The following KPNB1 variants were observed in gnomAD, a reference collection of about 807,000 sequenced individuals.
KPNB1 encodes importin subunit beta-1.
In KPNB1, 7 loss-of-function variants were observed where a neutral mutation model predicts 113.0. The ratio of observed to expected loss-of-function variants is 0.06; its 90% CI spans 0.04 to 0.12. KPNB1 has a LOEUF of 0.12. Among genes scored for constraint, KPNB1 ranks in the 10% least tolerant of loss-of-function variants. The pLI is 1.00. For missense variants in KPNB1, 400 were observed against 1,054.8 expected (o/e 0.38, Z 8.60); for synonymous variants, 363 against 378.6 (o/e 0.96, Z 0.48).
In KPNB1 at chr17:47,680,661, C is replaced by T. The variant is rs747243241; in HGVS notation, c.2622C>T (p.Asn874=). The T allele has an allele frequency of 4.2e-5, 67 of 1,613,730 alleles. No homozygotes were observed. The highest frequency in any genetic ancestry group is 4.7e-5 in the Non-Finnish European group (55 of 1,179,836). ...CAAAAGAACTGAGGAAACTGAAGAA[C>T]CAAGCTTGGTAAGATCTTGCCTCCA... ...WATKELRKLK[N]QA The change falls in exon 21 of 22, where the codon AAC becomes AAT. Residue 874 remains asparagine (N), a synonymous_variant. Transcript: ENST00000290158.
chr17:47,681,265 CTTTT>C (rs535906429), intron 21 of KPNB1, among the ~76,000 whole-genome samples: 3 of 122,694 alleles, frequency 2.4e-5, no homozygotes, highest in East Asian at 2.3e-4. Context: ...TTTTCTTCTT[CTTTT>C]TTTTTTTTTT....
chr17:47,672,975 C>A, intron 12 of KPNB1, 43 bp from the exon 13 acceptor site: 1 of 1,582,096 alleles, frequency 6.3e-7, no homozygotes, highest in Non-Finnish European at 8.6e-7. Context: ...CTTCCCTGTC[C>A]TTTTCATTTG....
chr17:47,652,108 C>A (rs1023038719), intron 2 of KPNB1, among the ~76,000 whole-genome samples: 21 of 152,086 alleles, frequency 1.4e-4, no homozygotes, highest in African/African-American at 5.1e-4. Flanking sequence ...GAGGATGAGG[C>A]TCCTAAGTTT....
At chr17:47,667,334 C>T (rs1380580355) in intron 9 of KPNB1, among the ~76,000 whole-genome samples, 1 of 151,862 alleles carries the variant, frequency 6.6e-6, no homozygotes, top group African/African-American at 2.4e-5. Flanking sequence ...ACCATGTTTA[C>T]CAGGCTGGTC....
At position 47,681,079 on chromosome 17, in the gene KPNB1, GTT is replaced by G. The variant is rs1343156408; in HGVS notation, c.2630+413_2630+414del. Among the ~76,000 whole-genome samples the G allele has an allele frequency of 2.1e-5, 3 of 141,634 alleles. No individual in the cohort carries two copies. In the East Asian group the frequency reaches 6.2e-4, roughly 29 times the overall value. The allele number at this position is 141,634 out of a possible 152,430, so 92.9% of individuals were successfully genotyped here. On this transcript the variant is annotated intron_variant, in intron 21 of 21. Coordinates refer to ENST00000290158, the MANE Select transcript of KPNB1 (RefSeq NM_002265.6). ...TTTGTGTGTGTGTGTGTGTGTGTGT[GTT>G]TTCTTTTTGAGACAGAGTCTCACTG...
intron 12 of KPNB1, chr17:47,671,985 C>T (rs1293583742): frequency 1.3e-5 from 2 of 151,162 alleles, no homozygotes; most frequent in African/African-American, 4.9e-5. Context: ...GCAAAGTAAA[C>T]CTTCAGGAAG....
chr17:47,666,423 T>TG, intron 9 of KPNB1, among the ~76,000 whole-genome samples: 1 of 145,282 alleles, frequency 6.9e-6, no homozygotes, highest in Non-Finnish European at 1.5e-5. Flanking sequence ...TGTGTGTGTA[T>TG]TTTATATATA....
At chr17:47,669,116 G>C (rs1038549807) in intron 10 of KPNB1, among the ~76,000 whole-genome samples, 4 of 151,494 alleles carry the variant, frequency 2.6e-5, no homozygotes, top group Admixed American at 6.6e-5. Context: ...GTAGGGAGGC[G>C]GGGGGATGGA....
intron 12 of KPNB1, among the ~76,000 whole-genome samples, chr17:47,671,187 A>T (rs999702740): frequency 5.1e-4 from 78 of 151,904 alleles, no homozygotes; most frequent in African/African-American, 1.7e-3. Context: ...AACCTGGGAG[A>T]TGGAGGTTGC....
intron 9 of KPNB1, among the ~76,000 whole-genome samples, chr17:47,666,528 T>C (rs900556171): frequency 9.2e-6 from 1 of 109,022 alleles, no homozygotes; most frequent in South Asian, 3.3e-4. Context: ...TTATATGTAT[T>C]ATGTTATATA....
chr17:47,680,837 TG>T (rs2030749474), intron 21 of KPNB1, among the ~76,000 whole-genome samples, 168 bp downstream of exon 21: 1 of 152,250 alleles, frequency 6.6e-6, no homozygotes, highest in African/African-American at 2.4e-5. Flanking sequence ...TTGAGCCAAA[TG>T]TTTGACTCCT....
chr17:47,651,049 C>CTT (rs893649660), intron 2 of KPNB1: 16 of 178,866 alleles, frequency 8.9e-5, no homozygotes, highest in Non-Finnish European at 1.5e-4. Flanking sequence ...TTCTTTCTTT[C>CTT]TTTTTTTTTT....
At position 47,682,742 on chromosome 17, in the gene KPNB1, T is replaced by C; in HGVS notation, c.*338T>C. The C allele has an allele frequency of 3.0e-6, 1 of 328,662 alleles. No individual in the cohort carries two copies. Among genetic ancestry groups the C allele is most frequent in the South Asian group, 3.7e-5 (1 of 27,000 alleles). 20.4% of individuals were successfully genotyped at this position (328,662 alleles called of 1,614,324 possible). ...GGCTAGAAGTAGCTTTTCTGTCTTT[T>C]GGCCAGTGCCGAGTGGAATGCCTGG... On this transcript the variant is annotated 3_prime_UTR_variant, in exon 22 of 22. Transcript: ENST00000290158.
In KPNB1 at chr17:47,659,895, C is replaced by T. The variant is rs540408431; in HGVS notation, c.637-1224C>T. ...CCTGGGCAACAGTGCAAGACTCTGT[C>T]TCCAAAAAAAAAAAATATATATATA... On this transcript the variant is annotated intron_variant, in intron 5 of 21. Transcript: ENST00000290158. Among the ~76,000 whole-genome samples the T allele has an allele frequency of 4.7e-5, 7 of 149,254 alleles. No homozygotes were observed. The South Asian group carries it at 1.3e-3, about 27-fold the overall frequency.
chr17:47,675,394 T>G lies in KPNB1; in HGVS notation c.1912+612T>G, dbSNP rs866665578. The stretch of plus-strand genomic sequence containing the variant: ...TTTGTTTTTTTTTTTTGTTTGTTTT[T>G]TTTTTGAGACTTGTTCTGTTGCCCA... On this transcript the variant is annotated intron_variant, in intron 15 of 21. Coordinates refer to ENST00000290158, the MANE Select transcript of KPNB1 (RefSeq NM_002265.6). Among the ~76,000 whole-genome samples the G allele has an allele frequency of 2.7e-3, 372 of 137,770 alleles. 18 individuals carry two copies. Among genetic ancestry groups the G allele is most frequent in the African/African-American group, 9.6e-3 (340 of 35,574 alleles). 90.4% of individuals were successfully genotyped at this position (137,770 alleles called of 152,430 possible).
intron 5 of KPNB1, among the ~76,000 whole-genome samples, chr17:47,659,014 G>C (rs1312169839): frequency 6.6e-6 from 1 of 152,014 alleles, no homozygotes; most frequent in Non-Finnish European, 1.5e-5. Context: ...GTTATTCAAG[G>C]CCAGCCTGGG....
In KPNB1 at chr17:47,657,000, C is replaced by T. The variant is rs752749625; in HGVS notation, c.423C>T (p.Asn141=). 3 of 1,614,052 alleles carry T rather than the reference C, an allele frequency of 1.9e-6. No individual in the cohort carries two copies. Among genetic ancestry groups the T allele is most frequent in the Non-Finnish European group, 2.5e-6 (3 of 1,180,030 alleles). The change falls in exon 4 of 22, where the codon AAC becomes AAT. Residue 141 remains asparagine (N), a synonymous_variant. Coordinates refer to ENST00000290158, the MANE Select transcript of KPNB1 (RefSeq NM_002265.6). ...TGGTGGCCAATGTCACAAACCCCAA[C>T]AGCACAGAGCACATGAAGGAGTCGA... is the stretch of plus-strand genomic sequence containing the variant. ...PQLVANVTNP[N]STEHMKESTL...
In KPNB1 at chr17:47,669,806, C is replaced by T; in HGVS notation, c.1353C>T (p.Pro451=). The part of the protein sequence containing the change: ...EAAINDVYLA[P]LLQCLIEGLS... ...CCATCAATGATGTCTACTTGGCTCCCCTGCTACAGTGTCTGATTGAGGGTC... is the reference window on the plus strand; with the variant it reads ...CCATCAATGATGTCTACTTGGCTCCTCTGCTACAGTGTCTGATTGAGGGTC... Residue 451 remains proline, a synonymous_variant, in exon 11 of 22, where the codon CCC becomes CCT. Coordinates refer to ENST00000290158, the MANE Select transcript of KPNB1 (RefSeq NM_002265.6). 1 of 1,614,134 alleles carries T rather than the reference C, an allele frequency of 6.2e-7. No individual in the cohort carries two copies. The highest frequency in any genetic ancestry group is 1.1e-5 in the South Asian group (1 of 91,088).
chr17:47,674,345 A>G (rs566392517), intron 14 of KPNB1, among the ~76,000 whole-genome samples: 84 of 152,324 alleles, frequency 5.5e-4, no homozygotes, highest in African/African-American at 2.0e-3. Flanking sequence ...AGACTGGACT[A>G]TGGCGGCTAC....
Sources: allele counts gnomAD v4.1 joint callset (sites outside exome capture counted in the v4.1 genomes callset), GRCh38; gene constraint gnomAD v4.1.1; transcripts MANE v1.5; gene names NCBI Gene and HGNC (gene_info 2026-07-23, HGNC 2026-07-21).